MSR1: variants seen among roughly 807,000 people sequenced by gnomAD.
The protein encoded by MSR1 is macrophage scavenger receptor types I and II.
A neutral mutation model predicts 47.2 loss-of-function variants in MSR1; 53 were observed. The ratio of observed to expected loss-of-function variants is 1.12; its 90% CI spans 0.90 to 1.41. The LOEUF (loss-of-function observed/expected upper bound fraction) is 1.41. MSR1 is among the 40% of genes most tolerant of loss of function. The probability of loss-of-function intolerance (pLI) is 0.00; values close to 1 mark genes in which losing one functional copy is unlikely to be tolerated. For missense variants in MSR1, 786 were observed against 546.9 expected, an observed-to-expected ratio of 1.44 and a Z score of -4.36; for synonymous variants, 239 against 185.6, an observed-to-expected ratio of 1.29 and a Z score of -2.34.
intron 9 of MSR1, among the ~76,000 whole-genome samples, chr8:16,110,946 G>C (rs34397076): frequency 1.3e-5 from 2 of 152,066 alleles, no homozygotes; most frequent in Non-Finnish European, 2.9e-5. Flanking sequence ...GTTTATAACA[G>C]TATTGAGGCT....
chr8:16,161,090 C>T (rs767560295), intron 5 of MSR1, among the ~76,000 whole-genome samples: 3 of 148,966 alleles, frequency 2.0e-5, no homozygotes, highest in Non-Finnish European at 4.5e-5. Flanking sequence ...CCAGGGACAC[C>T]AACTGAGAAG....
In MSR1 at chr8:16,139,752, AAAAAAAAAAAAAAAAAAAAAAAAT is replaced by A. The variant is rs1392482614; in HGVS notation, c.1033+3782_1033+3805del. The A allele has an allele frequency of 3.0e-5, 4 of 134,836 alleles. No individual in the cohort carries two copies. The African/African-American group carries it at 4.4e-4, about 15-fold the overall frequency. The allele number at this position is 134,836 out of a possible 1,614,324, so 8.4% of individuals were successfully genotyped here. On this transcript the variant is annotated intron_variant, in intron 8 of 9. Transcript: ENST00000262101. Reference sequence around the variant, plus strand: ...CTCGACTACACTTCAAAACTTAAAAAAAAAAAAAAAAAAAAAAAAAAAATATATATATATATATATATATATATA... The same window carrying A: ...CTCGACTACACTTCAAAACTTAAAAAATATATATATATATATATATATATA...
At chr8:16,170,031 A>C (rs1314358415) in intron 3 of MSR1, among the ~76,000 whole-genome samples, 2 of 152,290 alleles carry the variant, frequency 1.3e-5, no homozygotes, top group East Asian at 3.9e-4. Context: ...TTTCAAAAAA[A>C]TAAAAGGCTT....
intron 8 of MSR1, among the ~76,000 whole-genome samples, chr8:16,126,188 G>C (rs1483336473): frequency 6.6e-6 from 1 of 152,076 alleles, no homozygotes; most frequent in African/African-American, 2.4e-5. Context: ...TTAGAGAAAA[G>C]ATACTACGAA....
At chr8:16,183,363 G>A (rs991059803) in intron 1 of MSR1, among the ~76,000 whole-genome samples, 5 of 151,590 alleles carry the variant, frequency 3.3e-5, no homozygotes, top group Admixed American at 1.3e-4. Context: ...GACCATGTCT[G>A]CTTTTGTCCA....
intron 1 of MSR1, among the ~76,000 whole-genome samples, chr8:16,179,350 T>G (rs1192706692): frequency 6.6e-6 from 1 of 152,156 alleles, no homozygotes; most frequent in East Asian, 1.9e-4. Context: ...TCCATCCTCT[T>G]CCTCCACAAT....
At chr8:16,156,966 T>C (rs565412500) in intron 5 of MSR1, among the ~76,000 whole-genome samples, 6 of 151,990 alleles carry the variant, frequency 3.9e-5, no homozygotes, top group African/African-American at 1.2e-4. Flanking sequence ...CAACACTACA[T>C]AGCAATGAAT....
intron 8 of MSR1, among the ~76,000 whole-genome samples, chr8:16,135,277 A>T (rs964915141): frequency 1.3e-5 from 2 of 152,162 alleles, no homozygotes; most frequent in African/African-American, 4.8e-5. Flanking sequence ...TAATGCAGCC[A>T]GTGACTTTAA....
intron 8 of MSR1, among the ~76,000 whole-genome samples, chr8:16,133,839 G>A (rs879601748): frequency 9.2e-5 from 14 of 152,110 alleles, no homozygotes; most frequent in Non-Finnish European, 2.9e-5. Context: ...AGCTGATCTG[G>A]ACACAATAGT....
At chr8:16,128,167 T>C (rs1309296681) in intron 8 of MSR1, among the ~76,000 whole-genome samples, 4 of 152,134 alleles carry the variant, frequency 2.6e-5, no homozygotes, top group Non-Finnish European at 4.4e-5. Context: ...ACTGAATTCA[T>C]CCTGAAACAG....
At chr8:16,131,178 T>A (rs1281694574) in intron 8 of MSR1, among the ~76,000 whole-genome samples, 2 of 152,182 alleles carry the variant, frequency 1.3e-5, no homozygotes, top group Non-Finnish European at 2.9e-5. Flanking sequence ...AAACAGCCAT[T>A]CTGACAGGTG....
At chr8:16,136,014 C>A (rs969569264) in intron 8 of MSR1, among the ~76,000 whole-genome samples, 13 of 152,100 alleles carry the variant, frequency 8.5e-5, no homozygotes, top group African/African-American at 2.7e-4. Context: ...TTTTGAGATA[C>A]AACCTACTCC....
At chr8:16,140,164 A>C in intron 8 of MSR1, 1 of 985,088 alleles carries the variant, frequency 1.0e-6, no homozygotes, top group Non-Finnish European at 1.2e-6. Context: ...AAGAACTCTC[A>C]TATTATCAAT....
At chr8:16,118,914 T>C (rs1799936802) in intron 9 of MSR1, among the ~76,000 whole-genome samples, 1 of 152,138 alleles carries the variant, frequency 6.6e-6, no homozygotes, top group Non-Finnish European at 1.5e-5. Context: ...GGAGATAAAT[T>C]TTATAGGTGC....
chr8:16,174,104 A>T (rs1228540440), intron 3 of MSR1, among the ~76,000 whole-genome samples: 1 of 152,186 alleles, frequency 6.6e-6, no homozygotes, highest in African/African-American at 2.4e-5. Flanking sequence ...GGATAATGAG[A>T]ATAATTACAG....
chr8:16,122,799 T>A (rs547918640), intron 8 of MSR1, among the ~76,000 whole-genome samples: 262 of 151,842 alleles, frequency 1.7e-3, no homozygotes, highest in African/African-American at 5.9e-3. Context: ...AAATTCCGTA[T>A]GCTCAAGGGA....
chr8:16,168,184 T>C (rs1044024254), intron 4 of MSR1, among the ~76,000 whole-genome samples: 2 of 152,202 alleles, frequency 1.3e-5, no homozygotes, highest in African/African-American at 2.4e-5. Context: ...GTTTAGGCAG[T>C]CTAAAAAGAC....
intron 7 of MSR1, among the ~76,000 whole-genome samples, chr8:16,147,205 T>C (rs1800723610): frequency 6.6e-6 from 1 of 152,182 alleles, no homozygotes; most frequent in Non-Finnish European, 1.5e-5. Flanking sequence ...GTCTTATAAA[T>C]GGACTACTCT....
intron 5 of MSR1, among the ~76,000 whole-genome samples, chr8:16,160,358 G>A (rs544055540): frequency 6.3e-4 from 96 of 152,118 alleles, no homozygotes; most frequent in African/African-American, 2.2e-3. Context: ...GAATGACACT[G>A]CTATTATAGA....
Sources: gnomAD v4.1 joint callset for allele counts (sites outside exome capture counted in the v4.1 genomes callset) on GRCh38, gnomAD v4.1.1 for gene constraint, MANE v1.5 for transcripts, NCBI Gene and HGNC (gene_info 2026-07-23, HGNC 2026-07-21) for gene names.